Variants in NEO1 observed in about 807,000 individuals in gnomAD.
NEO1 encodes the protein neogenin 1.
In NEO1, 63 loss-of-function variants were observed where a neutral mutation model predicts 159.7. The observed-to-expected ratio is 0.39, with a 90% confidence interval of 0.32 to 0.49. NEO1 has a LOEUF of 0.49. Among genes scored for constraint, NEO1 ranks in the 20% least tolerant of loss-of-function variants. NEO1 has a pLI of 0.85. For synonymous variants in NEO1, 633 were observed against 662.0 expected, an observed-to-expected ratio of 0.96 and a Z score of 0.67; for missense variants, 1,615 against 1,831.0, an observed-to-expected ratio of 0.88 and a Z score of 2.15.
intron 1 of NEO1, among the ~76,000 whole-genome samples, chr15:73,095,052 T>C (rs1199793235): frequency 6.6e-6 from 1 of 151,930 alleles, no homozygotes; most frequent in African/African-American, 2.4e-5. Flanking sequence ...CTACTGAAAA[T>C]ACAGAAATTA....
upstream of NEO1, among the ~76,000 whole-genome samples, chr15:73,052,298 CCCCCG>C (rs1397447217): frequency 2.7e-4 from 7 of 26,338 alleles, no homozygotes; most frequent in Non-Finnish European, 4.2e-4. Flanking sequence ...GGACTCCCGC[CCCCCG>C]CCCCCGCCCC....
intron 5 of NEO1, among the ~76,000 whole-genome samples, chr15:73,146,216 A>C (rs1466142516): frequency 1.3e-5 from 2 of 152,136 alleles, no homozygotes; most frequent in African/African-American, 2.4e-5. Context: ...TTTCTACCCT[A>C]CTAGACTGAG....
At chr15:73,264,467 GAT>G (rs2040790664) in intron 15 of NEO1, among the ~76,000 whole-genome samples, 1 of 152,230 alleles carries the variant, frequency 6.6e-6, no homozygotes, top group Non-Finnish European at 1.5e-5. Context: ...GAAATAGAGA[GAT>G]GAGAGGAGTG....
At chr15:73,275,867 A>G (rs896480239) in intron 21 of NEO1, among the ~76,000 whole-genome samples, 15 of 152,216 alleles carry the variant, frequency 9.9e-5, no homozygotes, top group Non-Finnish European at 1.5e-5. Flanking sequence ...CATTAAAAGT[A>G]AATTTAATTA....
intron 7 of NEO1, among the ~76,000 whole-genome samples, chr15:73,203,212 C>G (rs2037005255): frequency 6.6e-6 from 1 of 152,144 alleles, no homozygotes; most frequent in African/African-American, 2.4e-5. Flanking sequence ...TACCATTTTA[C>G]ATGCCCACCA....
chr15:73,260,584 G>A (rs1303497894), intron 15 of NEO1, 119 bp downstream of exon 15: 1 of 898,004 alleles, frequency 1.1e-6, no homozygotes, highest in Non-Finnish European at 1.6e-6. Context: ...ATTTCTGCAT[G>A]TTATTCACCT....
At chr15:73,160,696 G>A (rs1262641177) in intron 5 of NEO1, among the ~76,000 whole-genome samples, 2 of 152,160 alleles carry the variant, frequency 1.3e-5, no homozygotes, top group Non-Finnish European at 2.9e-5. Context: ...GTGTTAAACA[G>A]CATAGGGCAA....
At chr15:73,266,587 CT>C (rs199871105) in intron 16 of NEO1, among the ~76,000 whole-genome samples, 176 bp downstream of exon 16, 37 of 147,136 alleles carry the variant, frequency 2.5e-4, no homozygotes, top group Admixed American at 1.3e-3. Flanking sequence ...ATTTGTTTTG[CT>C]TTTTTTTTTG....
intron 8 of NEO1, among the ~76,000 whole-genome samples, chr15:73,242,333 A>G (rs1402819457): frequency 6.6e-6 from 1 of 152,200 alleles, no homozygotes; most frequent in Non-Finnish European, 1.5e-5. Context: ...TATATACGGT[A>G]TTCTTGCAGT....
intron 1 of NEO1, among the ~76,000 whole-genome samples, chr15:73,093,901 G>C (rs1339306574): frequency 6.6e-6 from 1 of 151,836 alleles, no homozygotes; most frequent in Non-Finnish European, 1.5e-5. Flanking sequence ...ATTTGGCCCC[G>C]GTGTCTCATT....
chr15:73,261,315 A>C (rs1307608825), intron 15 of NEO1, among the ~76,000 whole-genome samples: 2 of 152,174 alleles, frequency 1.3e-5, no homozygotes, highest in African/African-American at 2.4e-5. Context: ...AATCCTAAGG[A>C]ATCTACAAAA....
intron 7 of NEO1, among the ~76,000 whole-genome samples, chr15:73,235,133 T>C (rs1029810119): frequency 4.6e-5 from 7 of 152,318 alleles, no homozygotes; most frequent in African/African-American, 1.2e-4. Flanking sequence ...TTATTTCACG[T>C]GGCGTATTTA....
intron 2 of NEO1, among the ~76,000 whole-genome samples, chr15:73,121,147 T>C (rs1447707404): frequency 6.6e-6 from 1 of 152,192 alleles, no homozygotes; most frequent in African/African-American, 2.4e-5. Context: ...ATACTACTGT[T>C]TAATTTAGAT....
chr15:73,296,371 A>T (rs2042370310), intron 26 of NEO1, among the ~76,000 whole-genome samples: 1 of 152,086 alleles, frequency 6.6e-6, no homozygotes, highest in Non-Finnish European at 1.5e-5. Context: ...CGCCGTGGGG[A>T]TGGCTAGCTT....
At chr15:73,146,745 T>C (rs2032930212) in intron 5 of NEO1, among the ~76,000 whole-genome samples, 1 of 152,224 alleles carries the variant, frequency 6.6e-6, no homozygotes, top group Non-Finnish European at 1.5e-5. Context: ...ACTAATGATG[T>C]AAAGTTAGAA....
chr15:73,060,701 G>T (rs997990732), intron 1 of NEO1, among the ~76,000 whole-genome samples: 1 of 151,952 alleles, frequency 6.6e-6, no homozygotes, highest in Admixed American at 6.6e-5. Context: ...AGGCTGGAGT[G>T]CAGTGGCATG....
chr15:73,076,655 A>G (rs2068782004), intron 1 of NEO1, among the ~76,000 whole-genome samples: 1 of 152,098 alleles, frequency 6.6e-6, no homozygotes, highest in Admixed American at 6.5e-5. Context: ...CAACTCCCCC[A>G]ACCTCAGCAT....
chr15:73,182,619 A>C (rs892128300), intron 7 of NEO1, among the ~76,000 whole-genome samples: 5 of 152,104 alleles, frequency 3.3e-5, no homozygotes, highest in African/African-American at 9.7e-5. Context: ...CAAAAGGCAC[A>C]TGTTACATGG....
At chr15:73,129,212 A>G (rs7163504) in intron 4 of NEO1, among the ~76,000 whole-genome samples, 22,761 of 152,208 alleles carry the variant, frequency 0.15, 2,677 homozygotes, top group African/African-American at 0.32. Context: ...ATATAAGTGA[A>G]TGGAGCACAG....
Sources: gnomAD v4.1 joint callset for allele counts (sites outside exome capture counted in the v4.1 genomes callset) on GRCh38, gnomAD v4.1.1 for gene constraint, MANE v1.5 for transcripts, NCBI Gene and HGNC (gene_info 2026-07-23, HGNC 2026-07-21) for gene names.